SCOC: variants seen among roughly 807,000 people sequenced by gnomAD.
SCOC encodes the protein short coiled-coil protein, also known as short coiled coil protein.
In SCOC, 7 loss-of-function variants were observed where a neutral mutation model predicts 9.9. That is an observed-to-expected ratio of 0.71 (90% CI 0.40 to 1.33). The LOEUF (loss-of-function observed/expected upper bound fraction) is 1.33. Ranked by LOEUF, SCOC falls within the 40% of genes most tolerant of loss-of-function variation. SCOC has a pLI of 0.01. For missense variants in SCOC, 66 were observed against 89.7 expected, an observed-to-expected ratio of 0.74 and a Z score of 1.07; for synonymous variants, 19 against 28.2, an observed-to-expected ratio of 0.67 and a Z score of 1.03.
intron 2 of SCOC, among the ~76,000 whole-genome samples, chr4:140,347,403 G>C (rs1042577651): frequency 2.6e-5 from 4 of 152,130 alleles, no homozygotes; most frequent in African/African-American, 9.7e-5. Flanking sequence ...TACAGTGCAG[G>C]ACAAAAGACA....
chr4:140,304,137 G>C (rs1360010525), intron 1 of SCOC, among the ~76,000 whole-genome samples: 1 of 152,098 alleles, frequency 6.6e-6, no homozygotes, highest in African/African-American at 2.4e-5. Flanking sequence ...CAGATTTAAG[G>C]GGAGACTTCA....
intron 1 of SCOC, among the ~76,000 whole-genome samples, chr4:140,295,787 C>G (rs534730358): frequency 6.6e-6 from 1 of 151,632 alleles, no homozygotes; most frequent in Non-Finnish European, 1.5e-5. Context: ...AAAAATTAGC[C>G]GGGCGCGGTG....
upstream of SCOC, among the ~76,000 whole-genome samples, chr4:140,343,202 C>T (rs1328490824): frequency 6.6e-6 from 1 of 152,200 alleles, no homozygotes; most frequent in Non-Finnish European, 1.5e-5. Flanking sequence ...ACCCCCAGGT[C>T]ATGCTCTGGT....
intron 1 of SCOC, among the ~76,000 whole-genome samples, chr4:140,290,591 T>A (rs1578776245): frequency 1.3e-5 from 2 of 152,198 alleles, no homozygotes; most frequent in African/African-American, 4.8e-5. Flanking sequence ...GGTGGGCAGA[T>A]CACCTGAGGC....
rs1728636047 is a variant in SCOC, at chr4:140,383,924, A to G, written c.*2820A>G. 6.6e-6 allele frequency: 1 copy of G among 152,210 alleles called. No individual in the cohort carries two copies. Among genetic ancestry groups the G allele is most frequent in the South Asian group, 2.1e-4 (1 of 4,836 alleles). The allele number at this position is 152,210 out of a possible 1,614,324, so 9.4% of individuals were successfully genotyped here. A position where few individuals can be genotyped will look rare whatever the true frequency, so the allele number is the denominator to read the frequency against. On this transcript the variant is annotated 3_prime_UTR_variant, in exon 4 of 4. Coordinates refer to ENST00000608372, the MANE Select transcript of SCOC (RefSeq NM_001153484.2). Reference sequence around the variant, plus strand: ...AACTAAAAATAAGATTACACTGGGAATGTTACATGCAGATCATCACTGCAA... The same window carrying G: ...AACTAAAAATAAGATTACACTGGGAGTGTTACATGCAGATCATCACTGCAA...
chr4:140,269,853 C>T (rs559481752), intron 1 of SCOC, among the ~76,000 whole-genome samples: 4 of 152,098 alleles, frequency 2.6e-5, no homozygotes, highest in East Asian at 3.9e-4. Context: ...TGGGCTCAAG[C>T]GAGTCTCCCA....
intron 1 of SCOC, among the ~76,000 whole-genome samples, chr4:140,274,118 C>G (rs773072961): frequency 7.2e-5 from 11 of 152,104 alleles, no homozygotes; most frequent in Non-Finnish European, 1.3e-4. Context: ...AGAAGCAATT[C>G]CTAAGCTACT....
upstream of SCOC, among the ~76,000 whole-genome samples, chr4:140,341,669 G>T (rs1726514962): frequency 6.6e-6 from 1 of 152,160 alleles, no homozygotes; most frequent in African/African-American, 2.4e-5. Flanking sequence ...TCATGTGGTT[G>T]CCCTGAGCCT....
chr4:140,306,626 G>A (rs1026692783), intron 1 of SCOC, among the ~76,000 whole-genome samples: 1 of 151,798 alleles, frequency 6.6e-6, no homozygotes, highest in Non-Finnish European at 1.5e-5. Flanking sequence ...GGGAAATGTG[G>A]ACACTGCCAG....
chr4:140,315,396 C>T (rs767238495), intron 1 of SCOC, among the ~76,000 whole-genome samples: 2 of 152,078 alleles, frequency 1.3e-5, no homozygotes, highest in Non-Finnish European at 2.9e-5. Flanking sequence ...AATCCTATTC[C>T]CTGTTTATAT....
intron 1 of SCOC, among the ~76,000 whole-genome samples, chr4:140,271,438 T>A (rs945331962): frequency 6.6e-6 from 1 of 152,202 alleles, no homozygotes; most frequent in Non-Finnish European, 1.5e-5. Context: ...CCACCTATTT[T>A]AATGAGCTAA....
At chr4:140,367,229 C>G (rs1727842680) in intron 2 of SCOC, among the ~76,000 whole-genome samples, 1 of 151,772 alleles carries the variant, frequency 6.6e-6, no homozygotes, top group South Asian at 2.1e-4. Flanking sequence ...AGAGTAAGAC[C>G]ATTTCTCATA....
intron 1 of SCOC, among the ~76,000 whole-genome samples, chr4:140,278,987 T>A (rs1009162483): frequency 6.6e-6 from 1 of 152,044 alleles, no homozygotes; most frequent in South Asian, 2.1e-4. Context: ...ATTCTTAATA[T>A]GCTCCTCAAG....
At chr4:140,263,938 A>G (rs1024342330) in intron 1 of SCOC, among the ~76,000 whole-genome samples, 1 of 152,228 alleles carries the variant, frequency 6.6e-6, no homozygotes, top group Non-Finnish European at 1.5e-5. Context: ...ACCTAGACCT[A>G]TCAGTAGGAA....
intron 1 of SCOC, among the ~76,000 whole-genome samples, chr4:140,329,880 T>C (rs899408826): frequency 6.6e-6 from 1 of 152,240 alleles, no homozygotes; most frequent in Non-Finnish European, 1.5e-5. Context: ...ACAGCCACTG[T>C]GGAAAACAGT....
chr4:140,351,405 G>A (rs1353211720), intron 2 of SCOC, among the ~76,000 whole-genome samples: 4 of 151,986 alleles, frequency 2.6e-5, no homozygotes, highest in Non-Finnish European at 5.9e-5. Context: ...TCTTCATGCC[G>A]GCCCTCGCCG....
intron 1 of SCOC, among the ~76,000 whole-genome samples, chr4:140,325,749 C>A (rs1174548355): frequency 1.3e-5 from 2 of 152,046 alleles, no homozygotes; most frequent in Non-Finnish European, 2.9e-5. Flanking sequence ...AATAGCACAA[C>A]CAGGTTGGAG....
chr4:140,351,288 T>A (rs553823688), intron 2 of SCOC, among the ~76,000 whole-genome samples: 2 of 152,066 alleles, frequency 1.3e-5, no homozygotes, highest in Non-Finnish European at 2.9e-5. Context: ...AAGCTGGGAC[T>A]GCCTGTTGAC....
intron 1 of SCOC, among the ~76,000 whole-genome samples, chr4:140,377,438 C>T (rs1384872458): frequency 3.3e-5 from 5 of 152,140 alleles, no homozygotes; most frequent in South Asian, 2.1e-4. Context: ...ACTTTAAATG[C>T]GGTTTAGATA....
Sources: gnomAD v4.1 joint callset for allele counts (sites outside exome capture counted in the v4.1 genomes callset) on GRCh38, gnomAD v4.1.1 for gene constraint, MANE v1.5 for transcripts, NCBI Gene and HGNC (gene_info 2026-07-23, HGNC 2026-07-21) for gene names.